The following PCDHGA3 variants were observed in gnomAD, a reference collection of about 807,000 sequenced individuals.
PCDHGA3 encodes protocadherin gamma-A3.
Under a neutral mutation model 58.5 loss-of-function variants are expected in PCDHGA3, and 40 were observed. The ratio of observed to expected loss-of-function variants is 0.68; its 90% CI spans 0.53 to 0.89. The LOEUF is 0.89. PCDHGA3 is among the 40% of genes least tolerant of loss of function. PCDHGA3 has a pLI of 0.00. For missense variants in PCDHGA3, 1,223 were observed against 1,195.9 expected (o/e 1.02, Z -0.33); for synonymous variants, 530 against 525.7 (o/e 1.01, Z -0.11).
intron 1 of PCDHGA3, among the ~76,000 whole-genome samples, chr5:141,469,599 A>G (rs2099206392): frequency 6.6e-6 from 1 of 152,192 alleles, no homozygotes; most frequent in Non-Finnish European, 1.5e-5. Flanking sequence ...ATAAAACAAA[A>G]TAAGTAAAAT....
chr5:141,435,795 G>A (rs150143106), intron 1 of PCDHGA3, among the ~76,000 whole-genome samples: 16 of 152,032 alleles, frequency 1.1e-4, no homozygotes, highest in Admixed American at 2.0e-4. Flanking sequence ...GAAACATAAC[G>A]TCCCAATTAT....
intron 1 of PCDHGA3, chr5:141,355,989 C>G (rs539292307): frequency 1.9e-6 from 3 of 1,613,804 alleles, no homozygotes; most frequent in Middle Eastern, 1.6e-4. Flanking sequence ...GGCTACTCAC[C>G]GTAAAAGCCA....
rs561569572 is a variant in PCDHGA3, at chr5:141,512,054, C to A, written c.*881C>A. 6.5e-6 allele frequency: 1 copy of A among 152,828 alleles called. No individual in the cohort carries two copies. The highest frequency in any genetic ancestry group is 1.9e-4 in the East Asian group (1 of 5,184). The allele number at this position is 152,828 out of a possible 1,614,324, so 9.5% of individuals were successfully genotyped here. On this transcript the variant is annotated 3_prime_UTR_variant, in exon 4 of 4. Coordinates refer to ENST00000253812, the MANE Select transcript of PCDHGA3 (RefSeq NM_018916.4). Reference sequence around the variant, plus strand: ...GGAGGCTCTGTATGTCCTCAGGGGACTGACAACATCCTCCAGATTCCAGCC... The same window carrying A: ...GGAGGCTCTGTATGTCCTCAGGGGAATGACAACATCCTCCAGATTCCAGCC...
intron 1 of PCDHGA3, among the ~76,000 whole-genome samples, chr5:141,463,099 A>G (rs1445730117): frequency 1.4e-4 from 21 of 152,204 alleles, no homozygotes; most frequent in Admixed American, 1.4e-3. Context: ...CTATGTGACC[A>G]TCAAGAATTC....
chr5:141,406,307 T>C (rs2094791462), intron 1 of PCDHGA3, among the ~76,000 whole-genome samples: 1 of 152,088 alleles, frequency 6.6e-6, no homozygotes, highest in African/African-American at 2.4e-5. Flanking sequence ...GTGAACCACC[T>C]CACCCAGCAA....
intron 1 of PCDHGA3, among the ~76,000 whole-genome samples, chr5:141,386,783 C>A (rs1254282500): frequency 6.6e-6 from 1 of 152,150 alleles, no homozygotes; most frequent in Non-Finnish European, 1.5e-5. Context: ...AAAAGAAAAT[C>A]TCCTGACCAA....
Position 141,432,617 on chromosome 5 carries a change from G to A in PCDHGA3, c.2425-62190G>A. The A allele has an allele frequency of 6.2e-7, 1 of 1,613,694 alleles. No individual in the cohort carries two copies. Among genetic ancestry groups the A allele is most frequent in the South Asian group, 1.1e-5 (1 of 91,044 alleles). On this transcript the variant is annotated intron_variant, in intron 1 of 3. Coordinates refer to ENST00000253812, the MANE Select transcript of PCDHGA3 (RefSeq NM_018916.4). This position sits in a 1 kb window ranked among gnomAD's most constrained non-coding sequence, Gnocchi z 6.0. ...CAGCGAGCCGGGACTCTTCTCGGTGGGTCTGCACACGGGCGAGGTGCGCAC... is the reference window on the plus strand; with the variant it reads ...CAGCGAGCCGGGACTCTTCTCGGTGAGTCTGCACACGGGCGAGGTGCGCAC...
chr5:141,393,776 C>T (rs752900835), intron 1 of PCDHGA3: 10 of 1,613,596 alleles, frequency 6.2e-6, no homozygotes, highest in South Asian at 5.5e-5. Context: ...AAATACAAGC[C>T]GAAGATGTGG....
chr5:141,409,756 C>G, intron 1 of PCDHGA3: 1 of 1,612,994 alleles, frequency 6.2e-7, no homozygotes, highest in Non-Finnish European at 8.5e-7. Context: ...TCGCGCAGCG[C>G]GCCTTTGATC....
chr5:141,351,150 T>C, intron 1 of PCDHGA3: 1 of 1,614,020 alleles, frequency 6.2e-7, no homozygotes. Context: ...ACTGGCGACA[T>C]CACAACCAAT....
intron 1 of PCDHGA3, chr5:141,375,340 C>T (rs1177631226): frequency 1.2e-6 from 2 of 1,613,836 alleles, no homozygotes; most frequent in African/African-American, 1.3e-5. Context: ...TCTTGTACAA[C>T]ATCACTGTGA....
chr5:141,371,370 C>T, intron 1 of PCDHGA3: 1 of 1,613,934 alleles, frequency 6.2e-7, no homozygotes, highest in Non-Finnish European at 8.5e-7. Flanking sequence ...GGATGGTGGA[C>T]ATCACACTGC....
At position 141,383,491 on chromosome 5, in the gene PCDHGA3, C is replaced by T. The variant is rs116533786; in HGVS notation, c.2424+37034C>T. The T allele has an allele frequency of 1.9e-6, 3 of 1,613,000 alleles. No individual in the cohort carries two copies. The highest frequency in any genetic ancestry group is 2.5e-6 in the Non-Finnish European group (3 of 1,179,496). On this transcript the variant is annotated intron_variant, in intron 1 of 3. Coordinates refer to ENST00000253812, the MANE Select transcript of PCDHGA3 (RefSeq NM_018916.4). Reference sequence around the variant, plus strand: ...TAAGTACCCGGAACTGGTGCTGGAGCGGGTGCTGGACCGGGAGGAAGAGCG... The same window carrying T: ...TAAGTACCCGGAACTGGTGCTGGAGTGGGTGCTGGACCGGGAGGAAGAGCG...
intron 1 of PCDHGA3, chr5:141,375,270 A>T (rs1771295281): frequency 6.2e-7 from 1 of 1,613,754 alleles, no homozygotes. Flanking sequence ...GAATTGGAAA[A>T]ATCAGTTGGC....
At chr5:141,475,512 C>A (rs2099364350) in intron 1 of PCDHGA3, among the ~76,000 whole-genome samples, 2 of 152,326 alleles carry the variant, frequency 1.3e-5, no homozygotes, top group South Asian at 4.1e-4. Context: ...AATGTCTCCA[C>A]GGAAATGCTA....
chr5:141,401,290 C>G (rs1460193254), intron 1 of PCDHGA3, among the ~76,000 whole-genome samples: 1 of 151,710 alleles, frequency 6.6e-6, no homozygotes, highest in South Asian at 2.1e-4. Context: ...TGCGGTGAGC[C>G]GAGATCACTC....
intron 1 of PCDHGA3, chr5:141,384,982 G>A: frequency 6.2e-7 from 1 of 1,614,144 alleles, no homozygotes; most frequent in South Asian, 1.1e-5. Context: ...GTACCTGGTG[G>A]TGGCGGTGGC....
At position 141,433,356 on chromosome 5, in the gene PCDHGA3, T is replaced by A. The variant is rs549297958; in HGVS notation, c.2425-61451T>A. On this transcript the variant is annotated intron_variant, in intron 1 of 3. Transcript: ENST00000253812. ...CTACAGGTGCAAGCCACCTACTGTC[T>A]GCCTATCTATCTATCTATCTATCTA... The A allele has an allele frequency of 8.4e-5, 51 of 607,892 alleles. No homozygotes were observed. The African/African-American group carries it at 9.5e-4, about 11-fold the overall frequency. 37.7% of individuals were successfully genotyped at this position (607,892 alleles called of 1,614,324 possible).
Position 141,485,281 on chromosome 5 carries a change from A to G in PCDHGA3, c.2425-9526A>G. 4 of 1,614,156 alleles carry G rather than the reference A, an allele frequency of 2.5e-6. No individual in the cohort carries two copies. In the South Asian group the frequency reaches 3.3e-5, roughly 13 times the overall value. Reference sequence around the variant, plus strand: ...GTGGGCAGATCCGCTACCCGGTCCCAGAGGAGTCACAGGAAGGGACTTTTG... The same window carrying G: ...GTGGGCAGATCCGCTACCCGGTCCCGGAGGAGTCACAGGAAGGGACTTTTG... On this transcript the variant is annotated intron_variant, in intron 1 of 3. Coordinates refer to ENST00000253812, the MANE Select transcript of PCDHGA3 (RefSeq NM_018916.4). The surrounding 1 kb of genome is among the most constrained non-coding windows in gnomAD (Gnocchi z 5.7).
Sources: allele counts gnomAD v4.1 joint callset (sites outside exome capture counted in the v4.1 genomes callset), GRCh38; gene constraint gnomAD v4.1.1; non-coding constraint Gnocchi (gnomAD v3.1); transcripts MANE v1.5; gene names NCBI Gene and HGNC (gene_info 2026-07-23, HGNC 2026-07-21).